Variants in OR6N1 observed in about 807,000 individuals in gnomAD.
The protein encoded by OR6N1 is olfactory receptor family 6 subfamily N member 1.
For synonymous variants in OR6N1, 170 were observed against 150.7 expected (o/e 1.13, Z -0.94); for missense variants, 394 against 371.7 (o/e 1.06, Z -0.49).
At chr1:158,812,092 A>G in the OR6N1 span, among the ~76,000 whole-genome samples, 1 of 152,186 alleles carries the variant, frequency 6.6e-6, no homozygotes, top group Admixed American at 6.5e-5. Flanking sequence ...CTCAAATACT[A>G]AAACACCCCC....
chr1:158,837,734 G>A, the OR6N1 span, among the ~76,000 whole-genome samples: 2 of 151,688 alleles, frequency 1.3e-5, no homozygotes, highest in Non-Finnish European at 3.0e-5. Context: ...TTATTGATAA[G>A]GAAGAACTTA....
At chr1:158,820,453 C>T in the OR6N1 span, among the ~76,000 whole-genome samples, 6 of 152,168 alleles carry the variant, frequency 3.9e-5, no homozygotes, top group Non-Finnish European at 8.8e-5. Context: ...GAAAATAATA[C>T]TTAATTGTAA....
chr1:158,784,489 C>T, the OR6N1 span, among the ~76,000 whole-genome samples: 1 of 152,098 alleles, frequency 6.6e-6, no homozygotes, highest in Admixed American at 6.6e-5. Context: ...ACCATAGTCA[C>T]CCTACTGTGC....
chr1:158,779,018 C>CAAAAAAAAAAAAAAAAAAAAAAA, the OR6N1 span, among the ~76,000 whole-genome samples: 1 of 86,402 alleles, frequency 1.2e-5, no homozygotes, highest in African/African-American at 5.6e-5. Context: ...GACTGCGTCT[C>CAAAAAAAAAAAAAAAAAAAAAAA]AAAAAAAAAA....
At chr1:158,812,285 A>G in the OR6N1 span, among the ~76,000 whole-genome samples, 1 of 152,244 alleles carries the variant, frequency 6.6e-6, no homozygotes, top group Non-Finnish European at 1.5e-5. Context: ...AAATCAATCC[A>G]GAAATATGTG....
chr1:158,787,635 T>TCTCTCA, the OR6N1 span, among the ~76,000 whole-genome samples: 280 of 134,314 alleles, frequency 2.1e-3, 1 homozygote, highest in African/African-American at 7.8e-3. Context: ...TCTCTCTCTC[T>TCTCTCA]CACACACACA....
chr1:158,838,059 T>C, the OR6N1 span, among the ~76,000 whole-genome samples: 49 of 151,990 alleles, frequency 3.2e-4, no homozygotes, highest in Non-Finnish European at 5.2e-4. Flanking sequence ...CCAATTAACA[T>C]TGATTTATAA....
chr1:158,775,115 T>A (rs1385079776), upstream of OR6N1: 2 of 152,230 alleles, frequency 1.3e-5, no homozygotes, highest in Non-Finnish European at 2.9e-5. Context: ...TGACAAACTA[T>A]ATCTATGTAT....
Position 158,766,288 on chromosome 1 carries a change from T to G in OR6N1, c.395A>C (p.Tyr132Ser). The G allele has an allele frequency of 1.2e-6, 2 of 1,613,696 alleles. No homozygotes were observed. The highest frequency in any genetic ancestry group is 2.2e-5 in the South Asian group (2 of 91,066). ...AAGTGTTGGGGTCATGAGGGTTGGGTAGTGGAGGGGCCGGCAGATGGCTAA... is the reference window on the plus strand; with the variant it reads ...AAGTGTTGGGGTCATGAGGGTTGGGGAGTGGAGGGGCCGGCAGATGGCTAA... ...RYLAICRPLH[Y>S]PTLMTPTLCA... Residue 132 changes from tyrosine (Y) to serine (S), a missense_variant, in exon 2 of 2, where the codon TAC becomes TCC. Tyr to Ser is a moderately radical substitution (Grantham distance 144, BLOSUM62 -2). Coordinates refer to ENST00000641846, the MANE Select transcript of OR6N1 (RefSeq NM_001005185.2).
the OR6N1 span, chr1:158,777,773 TTAC>T: frequency 3.3e-6 from 2 of 602,818 alleles, no homozygotes; most frequent in Non-Finnish European, 6.0e-6. Context: ...CTCACTACTA[TTAC>T]TATTACTGTA....
chr1:158,768,134 C>T (rs996427776), intron 1 of OR6N1, among the ~76,000 whole-genome samples: 1 of 151,908 alleles, frequency 6.6e-6, no homozygotes, highest in African/African-American at 2.4e-5. Flanking sequence ...TCACAGTGCC[C>T]ATGGTCAGTG....
chr1:158,772,715 G>A (rs1275204428), upstream of OR6N1, among the ~76,000 whole-genome samples: 1 of 152,084 alleles, frequency 6.6e-6, no homozygotes, highest in Non-Finnish European at 1.5e-5. Flanking sequence ...AGTGTTATCT[G>A]CTCCGTAAAG....
chr1:158,818,457 A>G, the OR6N1 span, among the ~76,000 whole-genome samples: 2 of 152,342 alleles, frequency 1.3e-5, no homozygotes, highest in East Asian at 3.9e-4. Context: ...CTATTGATGT[A>G]GTCAGTCTCT....
chr1:158,835,438 T>C, the OR6N1 span, among the ~76,000 whole-genome samples: 4 of 152,272 alleles, frequency 2.6e-5, no homozygotes, highest in African/African-American at 7.2e-5. Flanking sequence ...AACTGATTTG[T>C]ATGTGTTGCC....
At chr1:158,788,876 G>A in the OR6N1 span, among the ~76,000 whole-genome samples, 1 of 151,944 alleles carries the variant, frequency 6.6e-6, no homozygotes, top group Non-Finnish European at 1.5e-5. Flanking sequence ...CCTTTGACTT[G>A]AGGTGGAAGG....
upstream of OR6N1, chr1:158,775,731 A>T (rs1657575343): frequency 6.6e-6 from 1 of 151,598 alleles, no homozygotes; most frequent in Non-Finnish European, 1.5e-5. Flanking sequence ...TGATTTAAGA[A>T]TATATTTTGT....
intron 1 of OR6N1, 124 bp downstream of exon 1, chr1:158,771,897 A>G (rs1657433275): frequency 6.6e-6 from 1 of 152,230 alleles, no homozygotes; most frequent in Non-Finnish European, 1.5e-5. Flanking sequence ...CTGTGTTTCA[A>G]TTATGTGTTT....
the OR6N1 span, among the ~76,000 whole-genome samples, chr1:158,811,501 AG>A: frequency 6.6e-6 from 1 of 152,284 alleles, no homozygotes; most frequent in East Asian, 1.9e-4. Flanking sequence ...CATCACTATC[AG>A]CATCATTTTC....
chr1:158,822,752 AGGAGT>A, the OR6N1 span, among the ~76,000 whole-genome samples: 1 of 152,200 alleles, frequency 6.6e-6, no homozygotes, highest in Admixed American at 6.5e-5. Flanking sequence ...TACGTCAAAT[AGGAGT>A]GGTGAGAGAG....
Sources: allele counts gnomAD v4.1 joint callset (sites outside exome capture counted in the v4.1 genomes callset), GRCh38; gene constraint gnomAD v4.1.1; transcripts MANE v1.5; gene names NCBI Gene and HGNC (gene_info 2026-07-23, HGNC 2026-07-21).